CGNL1: variants seen among roughly 807,000 people sequenced by gnomAD.
CGNL1 encodes cingulin like 1, also known as cingulin-like protein 1.
In CGNL1, 132 loss-of-function variants were observed where a neutral mutation model predicts 141.2. The ratio of observed to expected loss-of-function variants is 0.93; its 90% CI spans 0.81 to 1.08. The LOEUF (loss-of-function observed/expected upper bound fraction) is 1.08. Ranked by LOEUF, CGNL1 falls within the 50% of genes least tolerant of loss-of-function variation. CGNL1 has a pLI of 0.00. For synonymous variants in CGNL1, 690 were observed against 622.1 expected, an observed-to-expected ratio of 1.11 and a Z score of -1.63; for missense variants, 1,870 against 1,588.6, an observed-to-expected ratio of 1.18 and a Z score of -3.01.
At chr15:57,516,374 C>A (rs2030798110) in intron 8 of CGNL1, among the ~76,000 whole-genome samples, 1 of 152,064 alleles carries the variant, frequency 6.6e-6, no homozygotes, top group South Asian at 2.1e-4. Context: ...TAGCACCCGC[C>A]TTCTGGAATT....
At chr15:57,491,641 G>C (rs1461226987) in intron 8 of CGNL1, among the ~76,000 whole-genome samples, 1 of 152,188 alleles carries the variant, frequency 6.6e-6, no homozygotes, top group Non-Finnish European at 1.5e-5. Flanking sequence ...TTGTAGCTAA[G>C]AGGCAGAATA....
At chr15:57,533,769 A>C (rs535099740) in intron 14 of CGNL1, among the ~76,000 whole-genome samples, 1 of 152,342 alleles carries the variant, frequency 6.6e-6, no homozygotes, top group South Asian at 2.1e-4. Context: ...CACTTGGATC[A>C]TGGGGAATAG....
At chr15:57,442,169 A>G (rs1251244801) in intron 3 of CGNL1, among the ~76,000 whole-genome samples, 1 of 116,022 alleles carries the variant, frequency 8.6e-6, no homozygotes, top group African/African-American at 2.9e-5. Flanking sequence ...GAGTGGTAAC[A>G]CATCATTTAT....
chr15:57,383,440 A>C (rs1371739908), intron 1 of CGNL1, among the ~76,000 whole-genome samples: 3 of 151,690 alleles, frequency 2.0e-5, no homozygotes, highest in African/African-American at 7.3e-5. Flanking sequence ...CTGGGACTAC[A>C]GGCACGTGCC....
chr15:57,391,840 C>A (rs1161115435), intron 1 of CGNL1, among the ~76,000 whole-genome samples: 5 of 152,060 alleles, frequency 3.3e-5, no homozygotes, highest in Non-Finnish European at 5.9e-5. Context: ...CCATCGTATC[C>A]TTATTCCATA....
intron 8 of CGNL1, 145 bp downstream of exon 8, chr15:57,462,037 A>G (rs2044917989): frequency 4.4e-6 from 3 of 678,284 alleles, no homozygotes; most frequent in Non-Finnish European, 7.7e-6. Context: ...GCTTATTAAC[A>G]AAGAATAAGC....
At chr15:57,435,310 C>G (rs1280600438) in intron 1 of CGNL1, among the ~76,000 whole-genome samples, 1 of 151,628 alleles carries the variant, frequency 6.6e-6, no homozygotes, top group East Asian at 1.9e-4. Context: ...GGTGTGGTAT[C>G]CACCCTATGT....
At chr15:57,506,956 T>C (rs1042912220) in intron 8 of CGNL1, among the ~76,000 whole-genome samples, 14 of 152,352 alleles carry the variant, frequency 9.2e-5, no homozygotes, top group African/African-American at 3.4e-4. Context: ...ACAAAATTCA[T>C]TTTAAGCATT....
rs2062365018 is a variant in CGNL1 at position 57,376,580 on chromosome 15, C to A, written c.-16+13C>A. ...GGCGGCGGCGGCGGTGAGTGAGCTC[C>A]GGGCTGGAGCGGGGCGGGGTGTGCG... On this transcript the variant is annotated intron_variant, in intron 1 of 18. Coordinates refer to ENST00000281282, the MANE Select transcript of CGNL1 (RefSeq NM_032866.5). 6.5e-6 allele frequency: 1 copy of A among 153,316 alleles called. No individual in the cohort carries two copies. The highest frequency in any genetic ancestry group is 1.8e-4 in the South Asian group (1 of 5,504). The allele number at this position is 153,316 out of a possible 1,614,324, so 9.5% of individuals were successfully genotyped here.
chr15:57,449,469 C>G (rs1190260368), intron 4 of CGNL1, among the ~76,000 whole-genome samples: 1 of 152,200 alleles, frequency 6.6e-6, no homozygotes, highest in Non-Finnish European at 1.5e-5. Flanking sequence ...TTCCCGTTTA[C>G]TGTCCTGTCC....
chr15:57,424,611 G>A (rs951853912), intron 1 of CGNL1, among the ~76,000 whole-genome samples: 3 of 152,150 alleles, frequency 2.0e-5, no homozygotes, highest in South Asian at 4.1e-4. Flanking sequence ...GTTTTTAATG[G>A]TTTGGGTATC....
At chr15:57,478,811 G>A (rs764366564) in intron 8 of CGNL1, among the ~76,000 whole-genome samples, 1 of 152,058 alleles carries the variant, frequency 6.6e-6, no homozygotes, top group Non-Finnish European at 1.5e-5. Flanking sequence ...GCTACTTTTT[G>A]TATTTTTTTT....
In CGNL1 at chr15:57,383,886, A is replaced by G. The variant is rs145296775; in HGVS notation, c.-16+7319A>G. Reference sequence around the variant, plus strand: ...ATTCCTGAGCTCAAGCCATCCACCCACCTAGGCCTCCCGAAGTGCTGAGAT... The same window carrying G: ...ATTCCTGAGCTCAAGCCATCCACCCGCCTAGGCCTCCCGAAGTGCTGAGAT... On this transcript the variant is annotated intron_variant, in intron 1 of 18. Coordinates refer to ENST00000281282, the MANE Select transcript of CGNL1 (RefSeq NM_032866.5). 6.8e-3 allele frequency among the ~76,000 whole-genome samples: 1,010 copies of G among 147,566 alleles called. 11 individuals are homozygous for G. Among genetic ancestry groups the G allele is most frequent in the African/African-American group, 0.025 (978 of 39,914 alleles).
chr15:57,546,712 G>A (rs916590465), intron 18 of CGNL1, among the ~76,000 whole-genome samples: 1 of 152,210 alleles, frequency 6.6e-6, no homozygotes, highest in Non-Finnish European at 1.5e-5. Context: ...GACGTGGAAT[G>A]CAGGGTTGGG....
rs116620624 is a variant in CGNL1 at position 57,422,402 on chromosome 15, A to G, written c.-15-15583A>G. Among the ~76,000 whole-genome samples the G allele has an allele frequency of 4.9e-3, 747 of 152,258 alleles. 4 individuals carry two copies. The highest frequency in any genetic ancestry group is 0.017 in the African/African-American group (717 of 41,552). On this transcript the variant is annotated intron_variant, in intron 1 of 18. Coordinates refer to ENST00000281282, the MANE Select transcript of CGNL1 (RefSeq NM_032866.5). The stretch of plus-strand genomic sequence containing the variant: ...GGGAGAGATCTACCCAGGAAAATAA[A>G]TTGTGTGTTGGTTTTTAATACAAGA...
chr15:57,396,878 T>C (rs2062608780), intron 1 of CGNL1: 1 of 152,128 alleles, frequency 6.6e-6, no homozygotes, highest in Non-Finnish European at 1.5e-5. Context: ...CGGAAGGTGT[T>C]GTGCTGATAT....
chr15:57,453,707 G>C lies in CGNL1; in HGVS notation c.2079G>C (p.Arg693=). ...LEELFQVKME[R]EQHQTEIRDL... is the part of the protein sequence containing the mutation. ...GGCTATTCCAGGTGAAGATGGAACGGGAGCAGCATCAGACTGAGATCAGGG... is the reference window on the plus strand; with the variant it reads ...GGCTATTCCAGGTGAAGATGGAACGCGAGCAGCATCAGACTGAGATCAGGG... The change falls in exon 7 of 19, where the codon CGG becomes CGC. Residue 693 remains arginine, a synonymous_variant. Coordinates refer to ENST00000281282, the MANE Select transcript of CGNL1 (RefSeq NM_032866.5). 6.2e-7 allele frequency: 1 copy of C among 1,613,912 alleles called. No individual in the cohort carries two copies. The highest frequency in any genetic ancestry group is 8.5e-7 in the Non-Finnish European group (1 of 1,179,896).
chr15:57,401,917 G>A (rs2062664573), intron 1 of CGNL1: 1 of 152,144 alleles, frequency 6.6e-6, no homozygotes, highest in South Asian at 2.1e-4. Flanking sequence ...AAGGCTTGTG[G>A]AAAGGTTCTA....
At chr15:57,380,578 C>G (rs12913007) in intron 1 of CGNL1, among the ~76,000 whole-genome samples, 1,801 of 152,220 alleles carry the variant, frequency 0.012, 16 homozygotes, top group Non-Finnish European at 0.02. Context: ...ACATGCTTTA[C>G]TTGGGTTTAC....
Sources: gnomAD v4.1 joint callset for allele counts (sites outside exome capture counted in the v4.1 genomes callset) on GRCh38, gnomAD v4.1.1 for gene constraint, MANE v1.5 for transcripts, NCBI Gene and HGNC (gene_info 2026-07-23, HGNC 2026-07-21) for gene names.